Variants in AGO3 observed in about 807,000 individuals in gnomAD.
The protein encoded by AGO3 is argonaute RISC catalytic component 3.
In AGO3, 16 loss-of-function variants were observed where a neutral mutation model predicts 105.5. The observed-to-expected ratio is 0.15, with a 90% CI of 0.10 to 0.23. The LOEUF (loss-of-function observed/expected upper bound fraction) is 0.23, where lower values mean the gene tolerates loss of function less well. AGO3 is among the 10% of genes least tolerant of loss of function. The pLI, the probability that AGO3 is intolerant of heterozygous loss-of-function variation, is 1.00. For missense variants in AGO3, 534 were observed against 1,088.0 expected, an observed-to-expected ratio of 0.49 and a Z score of 7.16; for synonymous variants, 340 against 367.3, an observed-to-expected ratio of 0.93 and a Z score of 0.85.
At position 36,055,617 on chromosome 1, in the gene AGO3, C is replaced by T; in HGVS notation, c.2475-20C>T. On this transcript the variant is annotated intron_variant, in intron 18 of 18. Coordinates refer to ENST00000373191, the MANE Select transcript of AGO3 (RefSeq NM_024852.4). This position sits in a 1 kb window ranked among gnomAD's most constrained non-coding sequence, Gnocchi z 4.4. ...AGAATAGAAAGTTTGTTTTTGTGTT[C>T]ATTGCCACTTCTCTTACAGTGCTGA... 1 of 1,604,836 alleles carries T rather than the reference C, an allele frequency of 6.2e-7. No individual in the cohort carries two copies.
rs771285091 is a variant in AGO3 at position 35,945,717 on chromosome 1, C to T, written c.45C>T (p.Leu15=). ...SAGPAGAQPL[L]MVPRRPGYGT... is the part of the protein sequence containing the mutation. ...GACCCGCTGGGGCCCAGCCCCTACT[C>T]ATGGTGCCCAGAAGACCTGGCTATG... Residue 15 remains leucine (L), a synonymous_variant, in exon 2 of 19, where the codon CTC becomes CTT. Transcript: ENST00000373191. 3 of 1,612,836 alleles carry T rather than the reference C, an allele frequency of 1.9e-6. No individual in the cohort carries two copies. The highest frequency in any genetic ancestry group is 4.5e-5 in the East Asian group (2 of 44,878).
At chr1:36,002,163 G>T (rs1043551256) in intron 5 of AGO3, among the ~76,000 whole-genome samples, 1 of 151,918 alleles carries the variant, frequency 6.6e-6, no homozygotes, top group African/African-American at 2.4e-5. Context: ...GGGATTACAG[G>T]CATGCGCCAC....
At chr1:36,021,362 T>G (rs906048796) in intron 11 of AGO3, among the ~76,000 whole-genome samples, 1 of 152,200 alleles carries the variant, frequency 6.6e-6, no homozygotes, top group Non-Finnish European at 1.5e-5. Context: ...AGAAGGAAAT[T>G]TGGTTATTTC....
At chr1:36,002,369 A>T (rs1156969824) in intron 5 of AGO3, among the ~76,000 whole-genome samples, 2 of 130,634 alleles carry the variant, frequency 1.5e-5, no homozygotes. Context: ...TCACTCTGTC[A>T]CCCAGGGTGG....
Position 36,061,268 on chromosome 1 carries a change from C to T in AGO3, c.*5523C>T, listed in dbSNP as rs1643023804. Reference sequence around the variant, plus strand: ...GGGAAAAATTATTTTGACTTTTTTCCTACTTTTAAAATGGTACATTTAAGT... The same window carrying T: ...GGGAAAAATTATTTTGACTTTTTTCTTACTTTTAAAATGGTACATTTAAGT... On this transcript the variant is annotated 3_prime_UTR_variant, in exon 19 of 19. Coordinates refer to ENST00000373191, the MANE Select transcript of AGO3 (RefSeq NM_024852.4). 6.6e-6 allele frequency: 1 copy of T among 151,852 alleles called. No individual in the cohort carries two copies. The highest frequency in any genetic ancestry group is 6.6e-5 in the Admixed American group (1 of 15,206). 9.4% of individuals were successfully genotyped at this position (151,852 alleles called of 1,614,324 possible). A position where few individuals can be genotyped will look rare whatever the true frequency, so the allele number is the denominator to read the frequency against.
chr1:36,053,333 T>G (rs1038305608), intron 17 of AGO3, among the ~76,000 whole-genome samples: 1 of 151,954 alleles, frequency 6.6e-6, no homozygotes, highest in African/African-American at 2.4e-5. Flanking sequence ...CAGGCTGGAG[T>G]GCACTGGTGC....
intron 2 of AGO3, among the ~76,000 whole-genome samples, chr1:35,948,819 A>G (rs1646416864): frequency 6.6e-6 from 1 of 152,034 alleles, no homozygotes; most frequent in Admixed American, 6.6e-5. Flanking sequence ...CATTTTTTTG[A>G]CAGTACCAAT....
At chr1:35,948,757 C>T (rs904021838) in intron 2 of AGO3, among the ~76,000 whole-genome samples, 5 of 151,950 alleles carry the variant, frequency 3.3e-5, no homozygotes, top group African/African-American at 1.2e-4. Flanking sequence ...TTTTAACTTA[C>T]GATTCTTTTG....
chr1:35,975,194 A>G (rs1646933795), intron 5 of AGO3, among the ~76,000 whole-genome samples: 1 of 152,216 alleles, frequency 6.6e-6, no homozygotes, highest in Admixed American at 6.5e-5. Flanking sequence ...CCATAGAGAT[A>G]GTAAATATTT....
At chr1:35,979,435 G>A (rs898424531) in intron 5 of AGO3, among the ~76,000 whole-genome samples, 2 of 151,918 alleles carry the variant, frequency 1.3e-5, no homozygotes, top group African/African-American at 4.8e-5. Flanking sequence ...CCAATATACG[G>A]TCAATTTTTG....
intron 5 of AGO3, among the ~76,000 whole-genome samples, chr1:35,978,244 T>G (rs1449549588): frequency 6.6e-6 from 1 of 152,066 alleles, no homozygotes; most frequent in Non-Finnish European, 1.5e-5. Context: ...GGCTGGAGTG[T>G]AGTGGCTCGA....
chr1:36,009,086 A>ATTATTTTTTTTTTT, intron 8 of AGO3, 42 bp downstream of exon 8: 1 of 1,481,358 alleles, frequency 6.8e-7, no homozygotes, highest in Admixed American at 2.7e-5. Context: ...GTTGTTCATG[A>ATTATTTTTTTTTTT]TTCTTTTGGG....
chr1:35,986,011 G>A (rs1647166649), intron 5 of AGO3, among the ~76,000 whole-genome samples: 1 of 152,176 alleles, frequency 6.6e-6, no homozygotes, highest in Non-Finnish European at 1.5e-5. Context: ...CATCAGATTT[G>A]TAAAATTAAA....
chr1:35,939,580 C>A (rs986518466), intron 1 of AGO3, among the ~76,000 whole-genome samples: 1 of 152,130 alleles, frequency 6.6e-6, no homozygotes, highest in African/African-American at 2.4e-5. Flanking sequence ...ACCTTCTGTT[C>A]AATTTTGCTG....
rs1425483730 is a variant in AGO3 at position 35,931,139 on chromosome 1, C to T, written c.-288C>T. ...GCGGCGGCCCGCAGTCGTGGAGGAG[C>T]GGTGGGAGCGTCGGCGGCCGCGGGC... On this transcript the variant is annotated 5_prime_UTR_variant, in exon 1 of 19. Transcript: ENST00000373191. The T allele has an allele frequency of 7.6e-6, 3 of 396,964 alleles. No homozygotes were observed. The highest frequency in any genetic ancestry group is 1.3e-5 in the Non-Finnish European group (3 of 225,010). The allele number at this position is 396,964 out of a possible 1,614,324, so 24.6% of individuals were successfully genotyped here. A position where few individuals can be genotyped will look rare whatever the true frequency, so the allele number is the denominator to read the frequency against.
intron 1 of AGO3, among the ~76,000 whole-genome samples, chr1:35,934,307 T>C (rs1646109682): frequency 6.6e-6 from 1 of 152,252 alleles, no homozygotes; most frequent in South Asian, 2.1e-4. Flanking sequence ...GAAAAACATT[T>C]ACTTTTACCT....
At chr1:36,001,200 A>G (rs1640066942) in intron 5 of AGO3, among the ~76,000 whole-genome samples, 1 of 152,164 alleles carries the variant, frequency 6.6e-6, no homozygotes, top group South Asian at 2.1e-4. Flanking sequence ...ACACCACCAC[A>G]CTCCAGCCTG....
intron 2 of AGO3, among the ~76,000 whole-genome samples, chr1:35,954,029 G>A (rs1289783949): frequency 6.6e-6 from 1 of 151,926 alleles, no homozygotes; most frequent in Non-Finnish European, 1.5e-5. Flanking sequence ...TTGTGATTTT[G>A]TTGTCATATC....
At chr1:36,046,907 A>G (rs536468174) in intron 17 of AGO3, among the ~76,000 whole-genome samples, 2 of 152,286 alleles carry the variant, frequency 1.3e-5, no homozygotes, top group Admixed American at 6.5e-5. Context: ...GGATAGCCCA[A>G]ATATATTGAG....
Sources: allele counts gnomAD v4.1 joint callset (sites outside exome capture counted in the v4.1 genomes callset), GRCh38; gene constraint gnomAD v4.1.1; non-coding constraint Gnocchi (gnomAD v3.1); transcripts MANE v1.5; gene names NCBI Gene and HGNC (gene_info 2026-07-23, HGNC 2026-07-21).